PCDHA9: variants seen among roughly 807,000 people sequenced by gnomAD.
PCDHA9 encodes the protein protocadherin alpha-9.
A neutral mutation model predicts 62.0 loss-of-function variants in PCDHA9; 62 were observed. The ratio of observed to expected loss-of-function variants is 1.00; its 90% confidence interval spans 0.81 to 1.23. The LOEUF is 1.23. Ranked by LOEUF, PCDHA9 falls within the 50% of genes most tolerant of loss-of-function variation. The pLI is 0.00. For synonymous variants in PCDHA9, 557 were observed against 567.6 expected (o/e 0.98, Z 0.27); for missense variants, 1,205 against 1,249.8 (o/e 0.96, Z 0.54).
intron 1 of PCDHA9, among the ~76,000 whole-genome samples, chr5:140,959,972 AAAG>A (rs1460302752): frequency 2.0e-5 from 3 of 152,328 alleles, no homozygotes; most frequent in South Asian, 4.1e-4. Flanking sequence ...GATGTTACTG[AAAG>A]AAGAAGTTGG....
chr5:140,876,834 G>C (rs1481867678), intron 1 of PCDHA9: 2 of 1,614,042 alleles, frequency 1.2e-6, no homozygotes, highest in Non-Finnish European at 1.7e-6. Context: ...ATGCGCCTGC[G>C]TTCGCGCAGC....
intron 1 of PCDHA9, among the ~76,000 whole-genome samples, chr5:140,961,917 T>G (rs2095643057): frequency 6.6e-6 from 1 of 151,470 alleles, no homozygotes; most frequent in Non-Finnish European, 1.5e-5. Flanking sequence ...GGAGTCTCGC[T>G]CTGTTGCCCA....
chr5:140,956,904 G>A lies in PCDHA9; in HGVS notation c.2395-22045G>A, dbSNP rs182022057. ...TATCAATGAATGAATATTCTTAAAT[G>A]TATAAACTTTAATCTTGCTGGATAT... On this transcript the variant is annotated intron_variant, in intron 1 of 3. Transcript: ENST00000532602. Among the ~76,000 whole-genome samples, 178 of 152,232 alleles carry A rather than the reference G, an allele frequency of 1.2e-3. 1 individual carries two copies. Among genetic ancestry groups the A allele is most frequent in the African/African-American group, 3.9e-3 (163 of 41,538 alleles).
At chr5:140,857,890 G>A in intron 1 of PCDHA9, 3 of 1,597,852 alleles carry the variant, frequency 1.9e-6, no homozygotes, top group Non-Finnish European at 2.6e-6. Context: ...AGTCGGCGGC[G>A]GTTGGTGCAC....
At position 140,856,759 on chromosome 5, in the gene PCDHA9, C is replaced by A. The variant is rs148775418; in HGVS notation, c.2394+5870C>A. The stretch of plus-strand genomic sequence containing the variant: ...TCCTGGTGTTAGATGCCAATGATAA[C>A]GCCCCTATCTTTGACAGACCGGTTT... On this transcript the variant is annotated intron_variant, in intron 1 of 3. Transcript: ENST00000532602. 2.5e-6 allele frequency: 4 copies of A among 1,596,386 alleles called. 1 individual carries two copies. The highest frequency in any genetic ancestry group is 1.7e-4 in the Middle Eastern group (1 of 5,998).
At chr5:141,004,857 A>C (rs987029522) in intron 3 of PCDHA9, among the ~76,000 whole-genome samples, 2 of 152,150 alleles carry the variant, frequency 1.3e-5, no homozygotes, top group African/African-American at 4.8e-5. Context: ...TCAGAGAAAA[A>C]ATTTGTTTCT....
At chr5:140,888,967 G>T (rs1434157317) in intron 1 of PCDHA9, among the ~76,000 whole-genome samples, 1 of 152,000 alleles carries the variant, frequency 6.6e-6, no homozygotes, top group African/African-American at 2.4e-5. Flanking sequence ...CAATGTTAAT[G>T]TGTTGAATTT....
intron 1 of PCDHA9, among the ~76,000 whole-genome samples, chr5:140,932,112 T>C (rs1211067626): frequency 6.6e-6 from 1 of 151,944 alleles, no homozygotes; most frequent in African/African-American, 2.4e-5. Flanking sequence ...GTATTTCCAA[T>C]TGATAATATT....
intron 1 of PCDHA9, chr5:140,928,252 G>C (rs1377533547): frequency 2.5e-6 from 4 of 1,614,208 alleles, no homozygotes; most frequent in Non-Finnish European, 3.4e-6. Flanking sequence ...GGAACTTTTC[G>C]TTGCTGAAAA....
intron 1 of PCDHA9, among the ~76,000 whole-genome samples, chr5:140,961,280 C>T (rs246003): frequency 7.2e-5 from 11 of 152,104 alleles, no homozygotes; most frequent in Non-Finnish European, 1.0e-4. Flanking sequence ...TACCATGGCT[C>T]TGTTTCTTGA....
chr5:140,868,940 A>C, intron 1 of PCDHA9: 1 of 1,249,404 alleles, frequency 8.0e-7, no homozygotes, highest in South Asian at 1.6e-5. Context: ...GGTTGGTCTG[A>C]ACAGTGAGGC....
At chr5:140,961,176 C>A (rs782677581) in intron 1 of PCDHA9, among the ~76,000 whole-genome samples, 16 of 152,182 alleles carry the variant, frequency 1.1e-4, no homozygotes, top group Admixed American at 2.0e-4. Context: ...ACCTTATGTA[C>A]TCCTCACAGG....
intron 1 of PCDHA9, chr5:140,865,754 C>T (rs1554159601): frequency 6.6e-6 from 1 of 152,144 alleles, no homozygotes; most frequent in East Asian, 1.9e-4. Context: ...AGTGCCAGTA[C>T]ATGGTGGAGA....
intron 1 of PCDHA9, chr5:140,866,167 CAT>C (rs1328596564): frequency 7.9e-5 from 12 of 152,072 alleles, no homozygotes; most frequent in African/African-American, 2.9e-4. Flanking sequence ...AATCGTTTAA[CAT>C]GTAAGAAAAG....
intron 3 of PCDHA9, among the ~76,000 whole-genome samples, chr5:140,987,224 A>C (rs28567024): frequency 6.6e-6 from 1 of 151,930 alleles, no homozygotes; most frequent in South Asian, 2.1e-4. Context: ...AAAAAAAAAA[A>C]AAATAATAAA....
At chr5:140,869,718 T>A (rs1228223839) in intron 1 of PCDHA9, 19 of 1,613,290 alleles carry the variant, frequency 1.2e-5, no homozygotes, top group Non-Finnish European at 1.2e-5. Flanking sequence ...GAGAGAAAAC[T>A]CCGGAACTTA....
rs555659207 is a variant in PCDHA9, at chr5:140,967,475, C to A, written c.2395-11474C>A. 2.5e-6 allele frequency: 4 copies of A among 1,613,342 alleles called. No homozygotes were observed. In the East Asian group the frequency reaches 8.9e-5, roughly 36 times the overall value. On this transcript the variant is annotated intron_variant, in intron 1 of 3. Coordinates refer to ENST00000532602, the MANE Select transcript of PCDHA9 (RefSeq NM_031857.2). ...AGCCGTGGATGGGGGCATCCCAGCC[C>A]GCTCGGGTACGGCACAGATCTCTGT...
intron 1 of PCDHA9, among the ~76,000 whole-genome samples, chr5:140,923,800 T>C (rs1235494729): frequency 2.0e-5 from 3 of 152,178 alleles, no homozygotes; most frequent in Non-Finnish European, 4.4e-5. Flanking sequence ...TTTTCACAAA[T>C]GAAATCTTCT....
At chr5:140,868,066 G>A (rs2050262102) in intron 1 of PCDHA9, 1 of 151,806 alleles carries the variant, frequency 6.6e-6, no homozygotes. Context: ...AGATGTTCAG[G>A]GTGATTTTAT....
Sources: gnomAD v4.1 joint callset for allele counts (sites outside exome capture counted in the v4.1 genomes callset) on GRCh38, gnomAD v4.1.1 for gene constraint, MANE v1.5 for transcripts, NCBI Gene and HGNC (gene_info 2026-07-23, HGNC 2026-07-21) for gene names.